Variants in MACROD2 observed in about 807,000 individuals in gnomAD.
MACROD2 encodes mono-ADP ribosylhydrolase 2, also known as ADP-ribose glycohydrolase MACROD2.
A neutral mutation model predicts 70.4 loss-of-function variants in MACROD2; 36 were observed. The ratio of observed to expected loss-of-function variants is 0.51; its 90% CI spans 0.39 to 0.68. MACROD2 has a LOEUF of 0.68. Among genes scored for constraint, MACROD2 ranks in the 30% least tolerant of loss-of-function variants. The pLI is 0.00. For synonymous variants in MACROD2, 172 were observed against 178.8 expected, an observed-to-expected ratio of 0.96 and a Z score of 0.30; for missense variants, 496 against 538.4, an observed-to-expected ratio of 0.92 and a Z score of 0.78.
chr20:15,085,150 G>C (rs2075737100), intron 5 of MACROD2, among the ~76,000 whole-genome samples: 1 of 152,134 alleles, frequency 6.6e-6, no homozygotes, highest in African/African-American at 2.4e-5. Context: ...CAATTCAGTA[G>C]AGGAAAGAAT....
intron 7 of MACROD2, among the ~76,000 whole-genome samples, chr20:15,446,871 GAGGTCTCAAC>G (rs1319985710): frequency 1.3e-5 from 2 of 152,164 alleles, no homozygotes; most frequent in East Asian, 3.8e-4. Context: ...AGAAGGAAAG[GAGGTCTCAAC>G]AGCTTTTTCC....
At chr20:15,040,176 G>T (rs2075344383) in intron 5 of MACROD2, among the ~76,000 whole-genome samples, 1 of 152,150 alleles carries the variant, frequency 6.6e-6, no homozygotes, top group Non-Finnish European at 1.5e-5. Flanking sequence ...TTAGCCAGGT[G>T]TGGTGGCACA....
At chr20:15,880,789 G>C (rs2064743655) in intron 9 of MACROD2, among the ~76,000 whole-genome samples, 1 of 152,058 alleles carries the variant, frequency 6.6e-6, no homozygotes, top group Non-Finnish European at 1.5e-5. Flanking sequence ...GTGGCTCAAA[G>C]GCAGGCTGGC....
chr20:15,665,911 A>G (rs148543111), intron 8 of MACROD2, among the ~76,000 whole-genome samples: 1 of 152,216 alleles, frequency 6.6e-6, no homozygotes, highest in East Asian at 1.9e-4. Context: ...CTGTTTTATG[A>G]TCTGACGTCC....
At chr20:14,691,297 T>C (rs553582820) in intron 5 of MACROD2, among the ~76,000 whole-genome samples, 14 of 152,198 alleles carry the variant, frequency 9.2e-5, no homozygotes, top group Non-Finnish European at 1.5e-4. Flanking sequence ...TTACTACTTA[T>C]TCAGATCAAA....
chr20:15,170,523 G>T lies in MACROD2; in HGVS notation c.419-59417G>T, dbSNP rs540639539. Among the ~76,000 whole-genome samples the T allele has an allele frequency of 3.9e-5, 6 of 152,282 alleles. No individual in the cohort carries two copies. The East Asian group carries it at 1.2e-3, about 29-fold the overall frequency. On this transcript the variant is annotated intron_variant, in intron 5 of 17. Transcript: ENST00000684519. ...GGTAGTCAGCAGCCCTAGAGGTCTG[G>T]AAGAAGAGCTGGCTGTGCACAGGGA... is the stretch of plus-strand genomic sequence containing the variant.
intron 3 of MACROD2, among the ~76,000 whole-genome samples, chr20:14,104,975 A>G (rs2054349413): frequency 6.6e-6 from 1 of 152,198 alleles, no homozygotes; most frequent in African/African-American, 2.4e-5. Flanking sequence ...GCTGAACTGT[A>G]TAACTATACT....
chr20:15,172,140 CAGTG>C (rs1355495445), intron 5 of MACROD2, among the ~76,000 whole-genome samples: 1 of 152,076 alleles, frequency 6.6e-6, no homozygotes, highest in Non-Finnish European at 1.5e-5. Context: ...ATTCATAAGA[CAGTG>C]AGAAGCTTCT....
intron 10 of MACROD2, among the ~76,000 whole-genome samples, chr20:15,900,597 C>T (rs1056959818): frequency 2.4e-4 from 37 of 152,132 alleles, no homozygotes; most frequent in Non-Finnish European, 4.7e-4. Flanking sequence ...AGGCATTTTC[C>T]ATTGTGAGAA....
At chr20:15,952,564 A>G (rs1255157229) in intron 12 of MACROD2, among the ~76,000 whole-genome samples, 1 of 152,036 alleles carries the variant, frequency 6.6e-6, no homozygotes, top group Non-Finnish European at 1.5e-5. Context: ...AGCAGGAGGA[A>G]AAGCAGGTAA....
At chr20:14,138,159 T>A (rs2054824419) in intron 3 of MACROD2, among the ~76,000 whole-genome samples, 1 of 152,168 alleles carries the variant, frequency 6.6e-6, no homozygotes, top group Non-Finnish European at 1.5e-5. Context: ...TTGTTGGGAA[T>A]GTAAGTTGGT....
chr20:14,406,760 C>T (rs1187707054), intron 3 of MACROD2, among the ~76,000 whole-genome samples: 3 of 152,120 alleles, frequency 2.0e-5, no homozygotes, highest in Non-Finnish European at 2.9e-5. Context: ...TGAAACTCAC[C>T]ATCTTTGTCA....
At chr20:14,719,703 T>C (rs1355875178) in intron 5 of MACROD2, among the ~76,000 whole-genome samples, 1 of 152,138 alleles carries the variant, frequency 6.6e-6, no homozygotes, top group Non-Finnish European at 1.5e-5. Flanking sequence ...CCGGAAATGT[T>C]GTATGTCTAA....
At chr20:15,078,558 T>TA (rs140319530) in intron 5 of MACROD2, among the ~76,000 whole-genome samples, 2,421 of 152,172 alleles carry the variant, frequency 0.016, 67 homozygotes, top group African/African-American at 0.055. Context: ...GAGAGAGATA[T>TA]AAAAAAAATC....
At chr20:15,140,572 C>T (rs2076184284) in intron 5 of MACROD2, among the ~76,000 whole-genome samples, 1 of 151,972 alleles carries the variant, frequency 6.6e-6, no homozygotes, top group South Asian at 2.1e-4. Flanking sequence ...ACTTATTATT[C>T]AATAAATTTA....
At chr20:14,919,611 A>G (rs1188999007) in intron 5 of MACROD2, among the ~76,000 whole-genome samples, 1 of 152,182 alleles carries the variant, frequency 6.6e-6, no homozygotes, top group Non-Finnish European at 1.5e-5. Context: ...TTCTAACTTG[A>G]ATCAAAATCT....
At chr20:14,281,296 C>T (rs1242502129) in intron 3 of MACROD2, among the ~76,000 whole-genome samples, 1 of 152,258 alleles carries the variant, frequency 6.6e-6, no homozygotes, top group African/African-American at 2.4e-5. Context: ...TTGAAAACAT[C>T]ATGCTAAAAG....
intron 4 of MACROD2, among the ~76,000 whole-genome samples, chr20:14,560,975 CATTT>C (rs1979394034): frequency 6.6e-6 from 1 of 151,766 alleles, no homozygotes; most frequent in South Asian, 2.1e-4. Context: ...TATTTTCATT[CATTT>C]GATAGGACAG....
chr20:15,210,463 C>A (rs1394428480), intron 5 of MACROD2, among the ~76,000 whole-genome samples: 1 of 151,814 alleles, frequency 6.6e-6, no homozygotes. Flanking sequence ...ACCATTTCAT[C>A]TGTTCAAGCA....
Sources: gnomAD v4.1 joint callset for allele counts (sites outside exome capture counted in the v4.1 genomes callset) on GRCh38, gnomAD v4.1.1 for gene constraint, MANE v1.5 for transcripts, NCBI Gene and HGNC (gene_info 2026-07-23, HGNC 2026-07-21) for gene names.